The following COL5A1 variants were observed in gnomAD, a reference collection of about 807,000 sequenced individuals.
COL5A1 encodes collagen type V alpha 1 chain.
COL5A1 carries 16 observed loss-of-function variants against 263.7 expected under a neutral mutation model. That is an observed-to-expected ratio of 0.06 (90% confidence interval 0.04 to 0.09). COL5A1 has a LOEUF of 0.09. COL5A1 is among the 10% of genes least tolerant of loss of function. The probability of loss-of-function intolerance (pLI) is 1.00; values close to 1 mark genes in which losing one functional copy is unlikely to be tolerated. For synonymous variants in COL5A1, 1,012 were observed against 1,004.5 expected, an observed-to-expected ratio of 1.01 and a Z score of -0.14; for missense variants, 2,036 against 2,540.5, an observed-to-expected ratio of 0.80 and a Z score of 4.27.
intron 1 of COL5A1, among the ~76,000 whole-genome samples, chr9:134,648,288 C>CTATATATATATATATAA (rs1355692149): frequency 7.1e-6 from 1 of 141,418 alleles, no homozygotes; most frequent in Admixed American, 7.0e-5. Flanking sequence ...TAATAAACTC[C>CTATATATATATATATAA]TATATATATA....
At chr9:134,752,527 G>T in intron 13 of COL5A1, 62 bp from the exon 14 acceptor site, 4 of 1,298,914 alleles carry the variant, frequency 3.1e-6, no homozygotes, top group Non-Finnish European at 4.5e-6. Context: ...CGGCTCAGGC[G>T]CCAGCAAACC....
chr9:134,766,165 C>G (rs2132726874), intron 21 of COL5A1, among the ~76,000 whole-genome samples: 1 of 152,316 alleles, frequency 6.6e-6, no homozygotes, highest in South Asian at 2.1e-4. Context: ...AGGCCTGCCC[C>G]CTTCAGCCTT....
chr9:134,802,967 C>T lies in COL5A1; in HGVS notation c.3086C>T (p.Pro1029Leu), dbSNP rs768531108. The T allele has an allele frequency of 5.2e-5, 83 of 1,608,484 alleles. No homozygotes were observed. The highest frequency in any genetic ancestry group is 6.7e-5 in the South Asian group (6 of 89,848). ...GGACCCCCCGGTGAACAGGGGCTTCCGGGCCTTGCTGGAAAAGAAGGGACG... is the reference window on the plus strand; with the variant it reads ...GGACCCCCCGGTGAACAGGGGCTTCTGGGCCTTGCTGGAAAAGAAGGGACG... ...PPGPPGEQGL[P>L]GLAGKEGTKG... The change falls in exon 39 of 66, where the codon CCG (proline) becomes CTG (leucine). Residue 1029 changes from proline to leucine, a missense_variant. Coordinates refer to ENST00000371817, the MANE Select transcript of COL5A1 (RefSeq NM_000093.5).
At chr9:134,690,562 T>C (rs891694018) in intron 1 of COL5A1, among the ~76,000 whole-genome samples, 10 of 152,102 alleles carry the variant, frequency 6.6e-5, no homozygotes, top group African/African-American at 2.4e-4. Context: ...CCTGCCAGCC[T>C]CAGGAGCCAC....
rs566379473 is a variant in COL5A1, at chr9:134,747,031, G to A, written c.1495-3511G>A. 2.0e-5 allele frequency among the ~76,000 whole-genome samples: 3 copies of A among 152,230 alleles called. No homozygotes were observed. In the South Asian group the frequency reaches 6.2e-4, roughly 32 times the overall value. Reference sequence around the variant, plus strand: ...GTTAGAGACCACAGGGCTTGGCAAAGGCTTGCTGACAATGTTTCTAAGTGA... The same window carrying A: ...GTTAGAGACCACAGGGCTTGGCAAAAGCTTGCTGACAATGTTTCTAAGTGA... On this transcript the variant is annotated intron_variant, in intron 11 of 65. Coordinates refer to ENST00000371817, the MANE Select transcript of COL5A1 (RefSeq NM_000093.5).
chr9:134,818,259 T>G lies in COL5A1; in HGVS notation c.4231-397T>G, dbSNP rs1168657453. Among the ~76,000 whole-genome samples the G allele has an allele frequency of 6.6e-6, 1 of 152,180 alleles. No individual in the cohort carries two copies. Among genetic ancestry groups the G allele is most frequent in the Non-Finnish European group, 1.5e-5 (1 of 68,014 alleles). On this transcript the variant is annotated intron_variant, in intron 54 of 65. Coordinates refer to ENST00000371817, the MANE Select transcript of COL5A1 (RefSeq NM_000093.5). The surrounding 1 kb of genome is among the most constrained non-coding windows in gnomAD (Gnocchi z 6.0). The stretch of plus-strand genomic sequence containing the variant: ...GACGCCGTCACCCATGCAGTTGGCT[T>G]GGGGCCTGGCCCAGAGCACACGGGA...
At position 134,794,420 on chromosome 9, in the gene COL5A1, G is replaced by A. The variant is rs752477722; in HGVS notation, c.2701-662G>A. 2.6e-5 allele frequency among the ~76,000 whole-genome samples: 4 copies of A among 152,044 alleles called. No homozygotes were observed. The highest frequency in any genetic ancestry group is 1.3e-4 in the Admixed American group (2 of 15,272). ...GTAGGGGCCCCTGCGTGTTCAGCCC[G>A]TGGCTTCCGTGTAATGTAGCTTAAC... On this transcript the variant is annotated intron_variant, in intron 32 of 65. Coordinates refer to ENST00000371817, the MANE Select transcript of COL5A1 (RefSeq NM_000093.5). This position sits in a 1 kb window ranked among gnomAD's most constrained non-coding sequence, Gnocchi z 4.3.
At chr9:134,766,150 G>C (rs552245557) in intron 21 of COL5A1, among the ~76,000 whole-genome samples, 171 of 152,304 alleles carry the variant, frequency 1.1e-3, no homozygotes, top group Non-Finnish European at 1.9e-3. Flanking sequence ...AGCTCCCCCA[G>C]GGCCAGGCCT....
intron 4 of COL5A1, among the ~76,000 whole-genome samples, chr9:134,713,717 G>A (rs557293747): frequency 2.6e-5 from 4 of 152,300 alleles, no homozygotes; most frequent in South Asian, 2.1e-4. Context: ...GTGGTGTGGC[G>A]GCCACAGGAA....
chr9:134,818,940 T>C lies in COL5A1; in HGVS notation c.4392+39T>C. On this transcript the variant is annotated intron_variant, in intron 56 of 65. Transcript: ENST00000371817. The surrounding 1 kb of genome is among the most constrained non-coding windows in gnomAD (Gnocchi z 6.0). ...CTCATGGTGAGCATAGCGGGTGGGA[T>C]GACTTCGCCACCCAAAGCCCCAAGG... 1 of 1,612,878 alleles carries C rather than the reference T, an allele frequency of 6.2e-7. No individual in the cohort carries two copies. The highest frequency in any genetic ancestry group is 8.5e-7 in the Non-Finnish European group (1 of 1,179,604).
At chr9:134,767,780 T>C (rs1222909331) in intron 24 of COL5A1, among the ~76,000 whole-genome samples, 1 of 152,232 alleles carries the variant, frequency 6.6e-6, no homozygotes, top group Non-Finnish European at 1.5e-5. Flanking sequence ...GAACGAGAGC[T>C]GGAAGTGCTT....
At chr9:134,779,351 G>T (rs1240364766) in intron 27 of COL5A1, among the ~76,000 whole-genome samples, 1 of 152,244 alleles carries the variant, frequency 6.6e-6, no homozygotes, top group Non-Finnish European at 1.5e-5. Context: ...GAGTGTCAGA[G>T]AAATAGTCCT....
In COL5A1 at chr9:134,841,851, TC is replaced by T. The variant is rs1335989235; in HGVS notation, c.5371-305del. The stretch of plus-strand genomic sequence containing the variant: ...GGACTGGGCACGGTGGGAAGGCTGA[TC>T]AGCTTCAATCCTGTGTGTGCCTCAG... On this transcript the variant is annotated intron_variant, in intron 65 of 65. Coordinates refer to ENST00000371817, the MANE Select transcript of COL5A1 (RefSeq NM_000093.5). The surrounding 1 kb of genome is among the most constrained non-coding windows in gnomAD (Gnocchi z 4.8). Among the ~76,000 whole-genome samples, 2 of 152,064 alleles carry T rather than the reference TC, an allele frequency of 1.3e-5. No individual in the cohort carries two copies. Among genetic ancestry groups the T allele is most frequent in the Non-Finnish European group, 2.9e-5 (2 of 67,986 alleles).
chr9:134,733,681 T>C (rs2132646435), intron 9 of COL5A1, among the ~76,000 whole-genome samples: 1 of 152,326 alleles, frequency 6.6e-6, no homozygotes, highest in African/African-American at 2.4e-5. Flanking sequence ...GGAGAGTGAC[T>C]GCCGTCCGCC....
intron 1 of COL5A1, among the ~76,000 whole-genome samples, chr9:134,675,811 T>G (rs1202025339): frequency 6.6e-6 from 1 of 152,192 alleles, no homozygotes; most frequent in Admixed American, 6.5e-5. Context: ...CCCCACAGCA[T>G]GGTGTCTTGG....
chr9:134,703,749 T>C (rs1833750969), intron 4 of COL5A1, among the ~76,000 whole-genome samples: 1 of 146,248 alleles, frequency 6.8e-6, no homozygotes, highest in Non-Finnish European at 1.5e-5. Context: ...GCCATTCTCC[T>C]GCCTCAGCCT....
chr9:134,716,959 ACT>A lies in COL5A1; in HGVS notation c.655-10303_655-10302del. Among the ~76,000 whole-genome samples the A allele has an allele frequency of 6.6e-6, 1 of 152,130 alleles. No homozygotes were observed. Among genetic ancestry groups the A allele is most frequent in the South Asian group, 2.1e-4 (1 of 4,826 alleles). ...GACGACATGAAAATATTTCTCTGAC[ACT>A]CTCGTTAATAGTGTGAAACTCGTTC... On this transcript the variant is annotated intron_variant, in intron 4 of 65. Transcript: ENST00000371817. This position sits in a 1 kb window ranked among gnomAD's most constrained non-coding sequence, Gnocchi z 4.5.
chr9:134,687,040 A>G (rs1588437589), intron 1 of COL5A1, among the ~76,000 whole-genome samples: 2 of 152,184 alleles, frequency 1.3e-5, no homozygotes, highest in Non-Finnish European at 2.9e-5. Context: ...TTGGGGTTGC[A>G]CCACCATAGC....
chr9:134,812,639 C>A lies in COL5A1; in HGVS notation c.3779C>A (p.Ser1260Tyr). The change falls in exon 48 of 66, where the codon TCC becomes TAC. Residue 1260 changes from serine to tyrosine, a missense_variant. By Grantham distance (144) the Ser-to-Tyr change is moderately radical. Around this residue, in one of 3 missense-constraint regions of COL5A1, gnomAD observed 1,078 missense variants for 1,521.4 expected, o/e 0.71. Coordinates refer to ENST00000371817, the MANE Select transcript of COL5A1 (RefSeq NM_000093.5). ...GGTCCCCCTGGCCCCCGAGGACCCT[C>A]CGGAGCTCCAGGTGCTGATGGCCCA... Reference protein sequence around the residue: ...PPGPPGPRGPSGAPGADGPQG... With the variant: ...PPGPPGPRGPYGAPGADGPQG... 6.2e-7 allele frequency: 1 copy of A among 1,600,812 alleles called. No homozygotes were observed. Among genetic ancestry groups the A allele is most frequent in the Non-Finnish European group, 8.5e-7 (1 of 1,173,896 alleles).
Sources: gnomAD v4.1 joint callset for allele counts (sites outside exome capture counted in the v4.1 genomes callset) on GRCh38, gnomAD v4.1.1 for gene constraint, gnomAD v4.1.1 regional missense constraint, Gnocchi (gnomAD v3.1) non-coding constraint, MANE v1.5 for transcripts, NCBI Gene and HGNC (gene_info 2026-07-23, HGNC 2026-07-21) for gene names.